The following PTK7 variants were observed in gnomAD, a reference collection of about 807,000 sequenced individuals.
PTK7 encodes protein tyrosine kinase 7 (inactive).
In PTK7, 39 loss-of-function variants were observed where a neutral mutation model predicts 116.6. The ratio of observed to expected loss-of-function variants is 0.33; its 90% CI spans 0.26 to 0.44. PTK7 has a LOEUF of 0.44. PTK7 is among the 20% of genes least tolerant of loss of function. The probability of loss-of-function intolerance (pLI) is 1.00; values close to 1 mark genes in which losing one functional copy is unlikely to be tolerated. For synonymous variants in PTK7, 546 were observed against 563.6 expected, an observed-to-expected ratio of 0.97 and a Z score of 0.44; for missense variants, 1,169 against 1,425.6, an observed-to-expected ratio of 0.82 and a Z score of 2.90.
intron 17 of PTK7, among the ~76,000 whole-genome samples, chr6:43,157,702 T>A (rs1286760457): frequency 6.6e-6 from 1 of 151,718 alleles, no homozygotes; most frequent in Admixed American, 6.6e-5. Context: ...GCAACGTAGC[T>A]AGACACCGTC....
rs1770270981 is a variant in PTK7, at chr6:43,139,657, ATAGTT to A, written c.1618+138_1618+142del. ...TAGACAAGCAGTGCAGGGCTGATGT[ATAGTT>A]TAGTTAGGAAGGAAAAAGCCAGACA... On this transcript the variant is annotated intron_variant, in intron 10 of 19. Transcript: ENST00000230419. The surrounding 1 kb of genome is among the most constrained non-coding windows in gnomAD (Gnocchi z 4.6). The A allele has an allele frequency of 3.6e-6, 5 of 1,396,382 alleles. No individual in the cohort carries two copies. Among genetic ancestry groups the A allele is most frequent in the South Asian group, 1.4e-5 (1 of 71,988 alleles). 86.5% of individuals were successfully genotyped at this position (1,396,382 alleles called of 1,614,324 possible).
At chr6:43,081,155 C>T (rs533653513) in intron 1 of PTK7, among the ~76,000 whole-genome samples, 67 of 152,310 alleles carry the variant, frequency 4.4e-4, no homozygotes, top group Non-Finnish European at 6.9e-4. Context: ...GGCCAGTCCC[C>T]GGTTGTACAT....
chr6:43,129,382 G>T lies in PTK7; in HGVS notation c.367+118G>T. The T allele has an allele frequency of 7.8e-7, 1 of 1,286,892 alleles. No individual in the cohort carries two copies. Among genetic ancestry groups the T allele is most frequent in the South Asian group, 1.5e-5 (1 of 68,382 alleles). The allele number at this position is 1,286,892 out of a possible 1,614,324, so 79.7% of individuals were successfully genotyped here. The stretch of plus-strand genomic sequence containing the variant: ...TCCAGTTAAACGGGCCAGGCAGAAT[G>T]CATTTATCATCAGCTTTTTTTGCTC... On this transcript the variant is annotated intron_variant, in intron 2 of 19. Coordinates refer to ENST00000230419, the MANE Select transcript of PTK7 (RefSeq NM_002821.5). The surrounding 1 kb of genome is among the most constrained non-coding windows in gnomAD (Gnocchi z 4.5).
intron 18 of PTK7, 90 bp downstream of exon 18, chr6:43,159,058 G>A: frequency 6.6e-7 from 1 of 1,514,438 alleles, no homozygotes; most frequent in Non-Finnish European, 9.0e-7. Context: ...GTGGGAAAGG[G>A]TTTAGTGCCT....
In PTK7 at chr6:43,130,528, G is replaced by T; in HGVS notation, c.679G>T (p.Val227Leu). The change falls in exon 5 of 20, where the codon GTG becomes TTG. Residue 227 changes from valine (V) to leucine (L), a missense_variant. Physicochemically the swap from Val to Leu is conservative, Grantham distance 32. Around this residue, in one of 3 missense-constraint regions of PTK7, gnomAD observed 487 missense variants for 549.8 expected, o/e 0.89. Transcript: ENST00000230419. ...LSIADESFAR[V>L]VLAPQDVVVA... ...CTCTCCAGATGAAAGCTTTGCCAGG[G>T]TGGTGCTGGCACCCCAGGACGTGGT... The T allele has an allele frequency of 6.2e-7, 1 of 1,613,964 alleles. No homozygotes were observed. The highest frequency in any genetic ancestry group is 8.5e-7 in the Non-Finnish European group (1 of 1,179,926).
At chr6:43,083,787 CCT>C (rs1561931041) in intron 1 of PTK7, among the ~76,000 whole-genome samples, 1 of 152,152 alleles carries the variant, frequency 6.6e-6, no homozygotes, top group African/African-American at 2.4e-5. Flanking sequence ...ATCCCAAGCC[CCT>C]GTTAGAAGTG....
intron 1 of PTK7, among the ~76,000 whole-genome samples, chr6:43,101,255 G>A (rs1385719475): frequency 1.4e-5 from 2 of 139,522 alleles, no homozygotes; most frequent in East Asian, 2.2e-4. Context: ...GAGGCTGGGC[G>A]CGGTGGAAAG....
intron 18 of PTK7, among the ~76,000 whole-genome samples, chr6:43,159,409 T>C (rs1047094696): frequency 3.9e-5 from 6 of 152,302 alleles, no homozygotes; most frequent in Admixed American, 3.3e-4. Flanking sequence ...TGGTTCCAGG[T>C]CACCCCCATT....
chr6:43,160,585 G>A (rs976803552), intron 19 of PTK7, 136 bp from the exon 20 acceptor site: 2 of 1,112,502 alleles, frequency 1.8e-6, no homozygotes, highest in Non-Finnish European at 2.6e-6. Flanking sequence ...TCCGTTGCGG[G>A]TACCCACCTG....
chr6:43,159,200 TAAAC>T (rs1266779514), intron 18 of PTK7, among the ~76,000 whole-genome samples: 1 of 152,164 alleles, frequency 6.6e-6, no homozygotes, highest in Non-Finnish European at 1.5e-5. Context: ...AATAAATAAA[TAAAC>T]CTTTTTTAAA....
At position 43,145,679 on chromosome 6, in the gene PTK7, A is replaced by C. The variant is rs1770687145; in HGVS notation, c.2640+247A>C. 3.2e-6 allele frequency: 1 copy of C among 314,270 alleles called. No homozygotes were observed. The highest frequency in any genetic ancestry group is 4.9e-5 in the Admixed American group (1 of 20,608). The allele number at this position is 314,270 out of a possible 1,614,324, so 19.5% of individuals were successfully genotyped here. On this transcript the variant is annotated intron_variant, in intron 16 of 19. Transcript: ENST00000230419. This position sits in a 1 kb window ranked among gnomAD's most constrained non-coding sequence, Gnocchi z 4.8. Reference sequence around the variant, plus strand: ...CTGTATCTCAGGGGCGTTGGTCCTAAGTTTTTCTGGGACTTCTCACTGTCA... The same window carrying C: ...CTGTATCTCAGGGGCGTTGGTCCTACGTTTTTCTGGGACTTCTCACTGTCA...
At chr6:43,082,859 G>A (rs1766454697) in intron 1 of PTK7, among the ~76,000 whole-genome samples, 1 of 152,210 alleles carries the variant, frequency 6.6e-6, no homozygotes, top group Admixed American at 6.5e-5. Context: ...AGCCAGTGGA[G>A]AAACTGGATT....
At chr6:43,138,723 G>A in intron 7 of PTK7, 126 bp from the exon 8 acceptor site, 1 of 1,338,784 alleles carries the variant, frequency 7.5e-7, no homozygotes, top group Non-Finnish European at 1.0e-6. Flanking sequence ...GGAAACTCCT[G>A]CCATCTGAGG....
rs1482642346 is a variant in PTK7 at position 43,143,748 on chromosome 6, G to A, written c.2251+128G>A. On this transcript the variant is annotated intron_variant, in intron 14 of 19. Transcript: ENST00000230419. The surrounding 1 kb of genome is among the most constrained non-coding windows in gnomAD (Gnocchi z 4.2). Reference sequence around the variant, plus strand: ...GTTGCTGGGTCCTGGAGCTGGGACTGCCCCACCCCTAGCGGGAAGCCTGGA... The same window carrying A: ...GTTGCTGGGTCCTGGAGCTGGGACTACCCCACCCCTAGCGGGAAGCCTGGA... 2.0e-6 allele frequency: 2 copies of A among 1,007,354 alleles called. No homozygotes were observed. The highest frequency in any genetic ancestry group is 2.8e-6 in the Non-Finnish European group (2 of 707,574). 62.4% of individuals were successfully genotyped at this position (1,007,354 alleles called of 1,614,324 possible).
At chr6:43,103,917 A>G (rs908779751) in intron 1 of PTK7, among the ~76,000 whole-genome samples, 1 of 152,188 alleles carries the variant, frequency 6.6e-6, no homozygotes, top group African/African-American at 2.4e-5. Flanking sequence ...ATTAATTTTG[A>G]GGCAAGTCTG....
At chr6:43,144,283 A>G in intron 14 of PTK7, 168 bp from the exon 15 acceptor site, 1 of 739,302 alleles carries the variant, frequency 1.4e-6, no homozygotes, top group East Asian at 2.7e-5. Flanking sequence ...TACATCCCCC[A>G]CCCAGCCCCA....
chr6:43,143,713 C>T lies in PTK7; in HGVS notation c.2251+93C>T. ...GGGGAGAGCGCCAGCACTCTGGAAA[C>T]CGAGCGGCTGTTGCTGGGTCCTGGA... On this transcript the variant is annotated intron_variant, in intron 14 of 19. Transcript: ENST00000230419. This position sits in a 1 kb window ranked among gnomAD's most constrained non-coding sequence, Gnocchi z 4.2. 7.3e-7 allele frequency: 1 copy of T among 1,361,692 alleles called. No homozygotes were observed. Among genetic ancestry groups the T allele is most frequent in the African/African-American group, 1.5e-5 (1 of 68,444 alleles). The allele number at this position is 1,361,692 out of a possible 1,614,324, so 84.4% of individuals were successfully genotyped here.
intron 17 of PTK7, among the ~76,000 whole-genome samples, chr6:43,153,495 G>A (rs982623338): frequency 1.3e-5 from 2 of 151,368 alleles, no homozygotes; most frequent in African/African-American, 4.9e-5. Context: ...CTGCAGCCTC[G>A]ACCTGTGGAG....
chr6:43,157,302 C>T (rs79985529), intron 17 of PTK7, among the ~76,000 whole-genome samples: 2,641 of 121,594 alleles, frequency 0.022, 116 homozygotes, highest in African/African-American at 0.078. Context: ...CACACACGTG[C>T]GTGCACACAC....
Sources: gnomAD v4.1 joint callset for allele counts (sites outside exome capture counted in the v4.1 genomes callset) on GRCh38, gnomAD v4.1.1 for gene constraint, gnomAD v4.1.1 regional missense constraint, Gnocchi (gnomAD v3.1) non-coding constraint, MANE v1.5 for transcripts, NCBI Gene and HGNC (gene_info 2026-07-23, HGNC 2026-07-21) for gene names.